Variants in RYR3 observed in about 807,000 individuals in gnomAD.
RYR3 encodes the protein ryanodine receptor 3.
A neutral mutation model predicts 584.3 loss-of-function variants in RYR3; 207 were observed. That is an observed-to-expected ratio of 0.35 (90% CI 0.32 to 0.40). The LOEUF (loss-of-function observed/expected upper bound fraction) is 0.40. Ranked by LOEUF, RYR3 falls within the 10% of genes least tolerant of loss-of-function variation. The probability of loss-of-function intolerance (pLI) is 1.00; values close to 1 mark genes in which losing one functional copy is unlikely to be tolerated. For missense variants in RYR3, 5,616 were observed against 6,089.2 expected (o/e 0.92, Z 2.59); for synonymous variants, 2,416 against 2,248.5 (o/e 1.07, Z -2.11).
intron 2 of RYR3, among the ~76,000 whole-genome samples, chr15:33,497,808 C>G (rs950607717): frequency 6.6e-6 from 1 of 152,088 alleles, no homozygotes; most frequent in Non-Finnish European, 1.5e-5. Context: ...CTATAGAACA[C>G]TAGAATTTAT....
At chr15:33,620,925 T>C (rs1225690827) in intron 19 of RYR3, among the ~76,000 whole-genome samples, 2 of 152,232 alleles carry the variant, frequency 1.3e-5, no homozygotes, top group Non-Finnish European at 2.9e-5. Flanking sequence ...TGCACGATGA[T>C]GTTTAAAGAC....
At chr15:33,646,595 T>C (rs2062116621) in intron 29 of RYR3, 69 bp downstream of exon 29, 1 of 1,411,032 alleles carries the variant, frequency 7.1e-7, no homozygotes, top group Non-Finnish European at 9.7e-7. Flanking sequence ...TTCTGCTTTT[T>C]ACCCTAACTC....
intron 1 of RYR3, among the ~76,000 whole-genome samples, chr15:33,356,774 G>C (rs16970001): frequency 0.057 from 8,682 of 152,194 alleles, 389 homozygotes; most frequent in African/African-American, 0.12. Flanking sequence ...AGTAAGGTAA[G>C]ATTGAGGTTT....
Position 33,359,173 on chromosome 15 carries a change from T to C in RYR3, c.51+48077T>C, listed in dbSNP as rs116711544. Among the ~76,000 whole-genome samples, 710 of 152,290 alleles carry C rather than the reference T, an allele frequency of 4.7e-3. 6 individuals are homozygous for C. Among genetic ancestry groups the C allele is most frequent in the African/African-American group, 0.016 (674 of 41,550 alleles). The stretch of plus-strand genomic sequence containing the variant: ...CATCTTTACCCACTTCCACCTCTTC[T>C]CTTCACAGCAACCAACATGATACTC... On this transcript the variant is annotated intron_variant, in intron 1 of 103. Transcript: ENST00000634891.
At chr15:33,752,050 C>T (rs547313082) in intron 57 of RYR3, among the ~76,000 whole-genome samples, 50 of 152,144 alleles carry the variant, frequency 3.3e-4, no homozygotes, top group East Asian at 1.2e-3. Flanking sequence ...AGATATGCGG[C>T]GTTATTTCTG....
intron 1 of RYR3, among the ~76,000 whole-genome samples, chr15:33,360,183 A>G (rs1441752680): frequency 6.6e-6 from 1 of 152,190 alleles, no homozygotes; most frequent in East Asian, 1.9e-4. Context: ...GTGCCCATTC[A>G]AATGAATCAT....
intron 18 of RYR3, among the ~76,000 whole-genome samples, chr15:33,604,292 C>A (rs986957733): frequency 1.3e-5 from 2 of 152,224 alleles, no homozygotes; most frequent in African/African-American, 4.8e-5. Context: ...TAACTGGTAG[C>A]TACATAACTT....
At chr15:33,496,767 A>C (rs1315724370) in intron 2 of RYR3, among the ~76,000 whole-genome samples, 1 of 152,104 alleles carries the variant, frequency 6.6e-6, no homozygotes, top group Non-Finnish European at 1.5e-5. Flanking sequence ...CCCTCAGGCC[A>C]AGCTCTTGCC....
chr15:33,801,780 C>A, intron 68 of RYR3, 89 bp from the exon 69 acceptor site: 1 of 689,218 alleles, frequency 1.5e-6, no homozygotes, highest in South Asian at 1.8e-5. Flanking sequence ...GAGGAGGGGT[C>A]TATTCCGTTA....
At chr15:33,438,996 G>C (rs1236245396) in intron 1 of RYR3, among the ~76,000 whole-genome samples, 1 of 152,108 alleles carries the variant, frequency 6.6e-6, no homozygotes, top group African/African-American at 2.4e-5. Context: ...AATGACCCAA[G>C]AGTCGAGCAG....
rs974118911 is a variant in RYR3 at position 33,729,169 on chromosome 15, G to A, written c.7203+143G>A. On this transcript the variant is annotated intron_variant, in intron 47 of 103. Coordinates refer to ENST00000634891, the MANE Select transcript of RYR3 (RefSeq NM_001036.6). ...ATGGGTGAGAAAATAGAGGTATCATGAAATGGAAGATCTTAATTTATTGGG... is the reference window on the plus strand; with the variant it reads ...ATGGGTGAGAAAATAGAGGTATCATAAAATGGAAGATCTTAATTTATTGGG... 4.5e-5 allele frequency: 33 copies of A among 728,044 alleles called. 1 individual carries two copies. Among genetic ancestry groups the A allele is most frequent in the African/African-American group, 1.8e-4 (10 of 56,086 alleles). 45.1% of individuals were successfully genotyped at this position (728,044 alleles called of 1,614,324 possible).
In RYR3 at chr15:33,539,366, G is replaced by T; in HGVS notation, c.450G>T (p.Trp150Cys). ...TTCATGTAGGAGAAGCCTGTTGGTGGACTATACATCCTGCTTCCAAACAGA... is the reference window on the plus strand; with the variant it reads ...TTCATGTAGGAGAAGCCTGTTGGTGTACTATACATCCTGCTTCCAAACAGA... ...REHATGEACWWTIHPASKQRS... is the reference protein window; with the variant it reads ...REHATGEACWCTIHPASKQRS... Residue 150 changes from tryptophan (W) to cysteine (C), a missense_variant, in exon 6 of 104, where the codon TGG becomes TGT. Around this residue, in one of 9 missense-constraint regions of RYR3, gnomAD observed 1,284 missense variants for 1,344.6 expected, o/e 0.95. Coordinates refer to ENST00000634891, the MANE Select transcript of RYR3 (RefSeq NM_001036.6). The T allele has an allele frequency of 6.3e-7, 1 of 1,593,914 alleles. No homozygotes were observed. The highest frequency in any genetic ancestry group is 1.1e-5 in the South Asian group (1 of 87,350).
At chr15:33,836,324 G>C (rs969990124) in intron 87 of RYR3, among the ~76,000 whole-genome samples, 1 of 151,984 alleles carries the variant, frequency 6.6e-6, no homozygotes, top group African/African-American at 2.4e-5. Context: ...CACGGAGGTA[G>C]CTTAGCGATG....
chr15:33,391,901 C>T (rs913361581), intron 1 of RYR3, among the ~76,000 whole-genome samples: 2 of 152,082 alleles, frequency 1.3e-5, no homozygotes, highest in Non-Finnish European at 2.9e-5. Flanking sequence ...ATGCTGTTTC[C>T]TCTGCCTGGG....
chr15:33,674,693 A>G (rs1207007923), intron 38 of RYR3, among the ~76,000 whole-genome samples: 2 of 152,098 alleles, frequency 1.3e-5, no homozygotes, highest in Admixed American at 1.3e-4. Flanking sequence ...ATAAAAGTAC[A>G]GACAAAATAC....
chr15:33,531,127 G>C (rs1259049201), intron 4 of RYR3, among the ~76,000 whole-genome samples: 1 of 152,056 alleles, frequency 6.6e-6, no homozygotes, highest in Non-Finnish European at 1.5e-5. Context: ...GAAATAGAAT[G>C]GTACTCACTG....
chr15:33,403,403 G>A (rs912998024), intron 1 of RYR3, among the ~76,000 whole-genome samples: 5 of 152,182 alleles, frequency 3.3e-5, no homozygotes, highest in African/African-American at 1.2e-4. Context: ...ACAGTATACA[G>A]AGAAGTGCTG....
At chr15:33,476,919 A>C (rs2596168) in intron 2 of RYR3, among the ~76,000 whole-genome samples, 1 of 152,108 alleles carries the variant, frequency 6.6e-6, no homozygotes, top group South Asian at 2.1e-4. Context: ...CTTGGGTTCC[A>C]AGAGCTTCAT....
At chr15:33,467,130 T>C (rs2048554686) in intron 1 of RYR3, among the ~76,000 whole-genome samples, 2 of 152,264 alleles carry the variant, frequency 1.3e-5, no homozygotes, top group Admixed American at 1.3e-4. Context: ...CCTAAGTGCC[T>C]GATGTTTAAG....
Sources: gnomAD v4.1 joint callset for allele counts (sites outside exome capture counted in the v4.1 genomes callset) on GRCh38, gnomAD v4.1.1 for gene constraint, gnomAD v4.1.1 regional missense constraint, MANE v1.5 for transcripts, NCBI Gene and HGNC (gene_info 2026-07-23, HGNC 2026-07-21) for gene names.